Variants in PPIP5K2 observed in about 807,000 individuals in gnomAD.
PPIP5K2 encodes the protein diphosphoinositol pentakisphosphate kinase 2.
Under a neutral mutation model 154.6 loss-of-function variants are expected in PPIP5K2, and 105 were observed. The observed-to-expected ratio is 0.68, with a 90% confidence interval of 0.58 to 0.80. The LOEUF is 0.80. PPIP5K2 is among the 30% of genes least tolerant of loss of function. The pLI, the probability that PPIP5K2 is intolerant of heterozygous loss-of-function variation, is 0.00. For missense variants in PPIP5K2, 992 were observed against 1,504.6 expected (o/e 0.66, Z 5.64); for synonymous variants, 480 against 490.3 (o/e 0.98, Z 0.28).
At position 103,125,859 on chromosome 5, in the gene PPIP5K2, C is replaced by A. The variant is rs190914674; in HGVS notation, c.-284-3447C>A. On this transcript the variant is annotated intron_variant, in intron 1 of 30. Coordinates refer to ENST00000358359, the MANE Select transcript of PPIP5K2 (RefSeq NM_001276277.3). ...TGTTGGCCAGACTGGTCTTGAACTC[C>A]TGGCCTCAAGTGATCCGCCTGCCTC... 6.7e-3 allele frequency among the ~76,000 whole-genome samples: 1,027 copies of A among 152,322 alleles called. 7 individuals carry two copies. The highest frequency in any genetic ancestry group is 0.013 in the Non-Finnish European group (854 of 68,032).
At chr5:103,131,749 T>A (rs1583206133) in intron 2 of PPIP5K2, among the ~76,000 whole-genome samples, 1 of 152,150 alleles carries the variant, frequency 6.6e-6, no homozygotes, top group East Asian at 1.9e-4. Flanking sequence ...TGACTATAGT[T>A]TTTTTAGACA....
intron 3 of PPIP5K2, among the ~76,000 whole-genome samples, chr5:103,134,059 C>T (rs915552347): frequency 2.0e-4 from 30 of 152,026 alleles, no homozygotes; most frequent in Admixed American, 1.6e-3. Flanking sequence ...TTTTTCACTG[C>T]ATATTTTTGT....
intron 5 of PPIP5K2, among the ~76,000 whole-genome samples, chr5:103,141,630 TAC>T (rs1792680142): frequency 6.6e-6 from 1 of 152,164 alleles, no homozygotes; most frequent in South Asian, 2.1e-4. Flanking sequence ...ATTAGTTAGA[TAC>T]AGAGTTTCGA....
rs186483319 is a variant in PPIP5K2 at position 103,164,067 on chromosome 5, G to A, written c.1921-3112G>A. Among the ~76,000 whole-genome samples the A allele has an allele frequency of 3.0e-3, 454 of 151,798 alleles. 5 individuals are homozygous for A. The highest frequency in any genetic ancestry group is 0.01 in the African/African-American group (428 of 41,472). ...AGTAAATAGTATGGTAAATCCTGTG[G>A]GTGTTTTCTTTGTGGGAAAGTTTCT... On this transcript the variant is annotated intron_variant, in intron 17 of 30. Coordinates refer to ENST00000358359, the MANE Select transcript of PPIP5K2 (RefSeq NM_001276277.3).
intron 19 of PPIP5K2, 58 bp downstream of exon 19, chr5:103,168,353 C>A: frequency 7.5e-7 from 1 of 1,331,820 alleles, no homozygotes; most frequent in Non-Finnish European, 1.1e-6. Flanking sequence ...TTTAAAATGT[C>A]TGTTGGTGGA....
At chr5:103,141,315 G>C (rs2149507976) in intron 5 of PPIP5K2, among the ~76,000 whole-genome samples, 1 of 152,106 alleles carries the variant, frequency 6.6e-6, no homozygotes, top group East Asian at 1.9e-4. Context: ...CTTCTGGTGG[G>C]TTCGTGGTCT....
intron 24 of PPIP5K2, among the ~76,000 whole-genome samples, chr5:103,182,894 A>G (rs1691508113): frequency 6.6e-6 from 1 of 152,120 alleles, no homozygotes; most frequent in Non-Finnish European, 1.5e-5. Flanking sequence ...TTGCTAAAAA[A>G]AGAAACTTAC....
chr5:103,182,142 ATG>A (rs1270824327), intron 24 of PPIP5K2, among the ~76,000 whole-genome samples: 1 of 152,152 alleles, frequency 6.6e-6, no homozygotes, highest in Non-Finnish European at 1.5e-5. Flanking sequence ...AGTGATTTTG[ATG>A]TGTTATTGAA....
intron 1 of PPIP5K2, among the ~76,000 whole-genome samples, chr5:103,128,604 C>T (rs964434853): frequency 6.6e-6 from 1 of 152,004 alleles, no homozygotes; most frequent in African/African-American, 2.4e-5. Context: ...TCATGGACGC[C>T]TGGTTATGTG....
At chr5:103,141,570 G>T (rs1417919084) in intron 5 of PPIP5K2, among the ~76,000 whole-genome samples, 1 of 152,136 alleles carries the variant, frequency 6.6e-6, no homozygotes, top group Non-Finnish European at 1.5e-5. Context: ...ACTGATGGGT[G>T]CGTTTACAAT....
At position 103,211,439 on chromosome 5, in the gene PPIP5K2, G is replaced by T. The variant is rs1027466329; in HGVS notation, c.*9805G>T. On this transcript the variant is annotated 3_prime_UTR_variant, in exon 31 of 31. Coordinates refer to ENST00000358359, the MANE Select transcript of PPIP5K2 (RefSeq NM_001276277.3). Reference sequence around the variant, plus strand: ...AGAAAAGTTAGTTGCCAAATATGGTGTGGGAATTTGGGAGGAATTTATCTG... The same window carrying T: ...AGAAAAGTTAGTTGCCAAATATGGTTTGGGAATTTGGGAGGAATTTATCTG... The T allele has an allele frequency of 1.9e-4, 29 of 152,066 alleles. No individual in the cohort carries two copies. The highest frequency in any genetic ancestry group is 6.0e-4 in the African/African-American group (25 of 41,416). The allele number at this position is 152,066 out of a possible 1,614,324, so 9.4% of individuals were successfully genotyped here. A position where few individuals can be genotyped will look rare whatever the true frequency, so the allele number is the denominator to read the frequency against.
intron 28 of PPIP5K2, among the ~76,000 whole-genome samples, chr5:103,187,759 G>T (rs1323863225): frequency 1.3e-5 from 2 of 151,800 alleles, no homozygotes; most frequent in African/African-American, 4.8e-5. Flanking sequence ...TGATCACATG[G>T]TTGTTTTATT....
chr5:103,194,817 T>C, intron 29 of PPIP5K2, 83 bp from the exon 30 acceptor site: 1 of 1,456,448 alleles, frequency 6.9e-7, no homozygotes, highest in South Asian at 1.4e-5. Context: ...GTAGGGTCAC[T>C]AAATTATAAG....
At chr5:103,173,644 T>C (rs560094942) in intron 20 of PPIP5K2, among the ~76,000 whole-genome samples, 38 of 152,146 alleles carry the variant, frequency 2.5e-4, no homozygotes, top group African/African-American at 8.4e-4. Flanking sequence ...AGTCTATTCT[T>C]TGACTACTCT....
chr5:103,172,529 C>G (rs1376506722), intron 19 of PPIP5K2, among the ~76,000 whole-genome samples: 1 of 151,470 alleles, frequency 6.6e-6, no homozygotes, highest in East Asian at 1.9e-4. Context: ...CCTTTCTCCT[C>G]TTCTACTGCT....
In PPIP5K2 at chr5:103,158,483, ACTTAGATTAC is replaced by A; in HGVS notation, c.1648_1657del (p.Leu550IlefsTer20). The A allele has an allele frequency of 9.9e-6, 16 of 1,611,550 alleles. No homozygotes were observed. The highest frequency in any genetic ancestry group is 1.3e-5 in the African/African-American group (1 of 74,826). ...ATGCAGGATTTCCTGGTTGTGGTTTACTTAGATTACATAGCACCTACAGACATGACCTCAA... is the reference window on the plus strand; with the variant it reads ...ATGCAGGATTTCCTGGTTGTGGTTTAATAGCACCTACAGACATGACCTCAA... On this transcript the variant is annotated frameshift_variant, in exon 16 of 31. Transcript: ENST00000358359. LOFTEE classifies it high-confidence loss of function.
At chr5:103,130,422 A>G (rs541877624) in intron 2 of PPIP5K2, among the ~76,000 whole-genome samples, 1 of 152,318 alleles carries the variant, frequency 6.6e-6, no homozygotes, top group African/African-American at 2.4e-5. Context: ...TGTTTTTCAT[A>G]TATTTCTAAT....
At position 103,151,257 on chromosome 5, in the gene PPIP5K2, C is replaced by A; in HGVS notation, c.911C>A (p.Thr304Lys). The A allele has an allele frequency of 1.3e-6, 2 of 1,587,562 alleles. No homozygotes were observed. Among genetic ancestry groups the A allele is most frequent in the Non-Finnish European group, 1.7e-6 (2 of 1,167,892 alleles). ...AWKVCLAFKQ[T>K]VCGFDLLRAN... ...TTTATAACTTATTTTAAATAGCAAA[C>A]AGTTTGTGGCTTTGATTTGTTACGG... Residue 304 changes from threonine to lysine, a missense_variant, in exon 9 of 31, where the codon ACA becomes AAA. This residue lies in a region of PPIP5K2 where 163 missense variants were observed against 285.2 expected (regional missense o/e 0.57). Transcript: ENST00000358359.
At position 103,209,086 on chromosome 5, in the gene PPIP5K2, G is replaced by A. The variant is rs1295565772; in HGVS notation, c.*7452G>A. 6.6e-6 allele frequency: 1 copy of A among 152,166 alleles called. No individual in the cohort carries two copies. The highest frequency in any genetic ancestry group is 1.5e-5 in the Non-Finnish European group (1 of 68,034). The allele number at this position is 152,166 out of a possible 1,614,324, so 9.4% of individuals were successfully genotyped here. Reference sequence around the variant, plus strand: ...TAATATCTGTCCTGCTAACAGTAGTGTTGTCAGAATCAAATGAAATAATAT... The same window carrying A: ...TAATATCTGTCCTGCTAACAGTAGTATTGTCAGAATCAAATGAAATAATAT... On this transcript the variant is annotated 3_prime_UTR_variant, in exon 31 of 31. Transcript: ENST00000358359.
Sources: gnomAD v4.1 joint callset for allele counts (sites outside exome capture counted in the v4.1 genomes callset) on GRCh38, gnomAD v4.1.1 for gene constraint, gnomAD v4.1.1 regional missense constraint, MANE v1.5 for transcripts, NCBI Gene and HGNC (gene_info 2026-07-23, HGNC 2026-07-21) for gene names.